The following CLASP1 variants were observed in gnomAD, a reference collection of about 807,000 sequenced individuals.
The protein encoded by CLASP1 is CLIP-associating protein 1.
Under a neutral mutation model 192.3 loss-of-function variants are expected in CLASP1, and 38 were observed. The ratio of observed to expected loss-of-function variants is 0.20; its 90% CI spans 0.15 to 0.26. The LOEUF is 0.26. CLASP1 is among the 10% of genes least tolerant of loss of function. The pLI is 1.00. For synonymous variants in CLASP1, 691 were observed against 712.8 expected (o/e 0.97, Z 0.49); for missense variants, 1,433 against 1,932.5 (o/e 0.74, Z 4.85).
intron 2 of CLASP1, among the ~76,000 whole-genome samples, chr2:121,585,646 T>A (rs2061635853): frequency 6.6e-6 from 1 of 152,190 alleles, no homozygotes. Context: ...ACTGCCTTTA[T>A]CCCAGCACTT....
At chr2:121,550,074 T>C (rs181113997) in intron 2 of CLASP1, among the ~76,000 whole-genome samples, 9 of 129,710 alleles carry the variant, frequency 6.9e-5, no homozygotes, top group Admixed American at 3.8e-4. Flanking sequence ...ACATTAAAAA[T>C]AGAAGTCAAG....
Position 121,412,323 on chromosome 2 carries a change from T to C in CLASP1, c.2321-1354A>G, listed in dbSNP as rs180670797. On this transcript the variant is annotated intron_variant, in intron 23 of 39. Coordinates refer to ENST00000263710, the Ensembl canonical transcript of CLASP1. ...CATTTGCTGGTCTTTCCAACTGTCA[T>C]CTTAACCATTATGTTTAAAAGGTAA... is the stretch of plus-strand genomic sequence containing the variant. Among the ~76,000 whole-genome samples the C allele has an allele frequency of 1.7e-3, 258 of 152,302 alleles. 2 individuals are homozygous for C. Among genetic ancestry groups the C allele is most frequent in the African/African-American group, 5.9e-3 (246 of 41,572 alleles).
At chr2:121,611,044 T>C (rs1366651901) in intron 1 of CLASP1, among the ~76,000 whole-genome samples, 6 of 71,366 alleles carry the variant, frequency 8.4e-5, no homozygotes, top group Non-Finnish European at 1.5e-4. Context: ...GGAGGACGAG[T>C]TGGAGGAGTT....
intron 9 of CLASP1, among the ~76,000 whole-genome samples, chr2:121,463,666 G>A (rs2088659093): frequency 6.6e-6 from 1 of 152,076 alleles, no homozygotes; most frequent in South Asian, 2.1e-4. Flanking sequence ...ATCTGATGAG[G>A]AGGAGCTAAT....
intron 19 of CLASP1, among the ~76,000 whole-genome samples, chr2:121,434,259 G>GT: frequency 6.6e-6 from 1 of 152,204 alleles, no homozygotes; most frequent in East Asian, 1.9e-4. Context: ...TTTCAAAAAA[G>GT]TATTATTTTT....
chr2:121,611,208 G>A (rs1454637171), intron 1 of CLASP1, among the ~76,000 whole-genome samples: 7 of 144,880 alleles, frequency 4.8e-5, no homozygotes, highest in African/African-American at 7.7e-5. Flanking sequence ...AGGAGGAGGT[G>A]GAGGAGTTAC....
At chr2:121,360,601 GA>G (rs61023548) in intron 37 of CLASP1, among the ~76,000 whole-genome samples, 9,784 of 103,340 alleles carry the variant, frequency 0.095, 340 homozygotes, top group East Asian at 0.2. Flanking sequence ...CAAGGGAAAA[GA>G]AAAAAAAAAA....
chr2:121,638,579 G>A (rs543015460), intron 1 of CLASP1, among the ~76,000 whole-genome samples: 5 of 151,708 alleles, frequency 3.3e-5, no homozygotes, highest in Non-Finnish European at 5.9e-5. Context: ...ACAAGCCAAC[G>A]TCCACCAACA....
chr2:121,620,991 G>A (rs1342749102), intron 1 of CLASP1, among the ~76,000 whole-genome samples: 1 of 152,102 alleles, frequency 6.6e-6, no homozygotes, highest in Non-Finnish European at 1.5e-5. Context: ...AGCTTTGGGA[G>A]GCCGAGACGG....
chr2:121,383,377 GTC>G (rs1457978409), intron 32 of CLASP1, among the ~76,000 whole-genome samples: 1 of 152,218 alleles, frequency 6.6e-6, no homozygotes, highest in Non-Finnish European at 1.5e-5. Flanking sequence ...AGACACACTG[GTC>G]TCTGTGTGGG....
intron 3 of CLASP1, among the ~76,000 whole-genome samples, chr2:121,529,184 G>A (rs2094674511): frequency 6.6e-6 from 1 of 152,130 alleles, no homozygotes; most frequent in Admixed American, 6.5e-5. Context: ...TAAATCTTAA[G>A]TTTCATCACT....
intron 2 of CLASP1, among the ~76,000 whole-genome samples, chr2:121,542,038 T>A (rs117116022): frequency 1.3e-5 from 2 of 152,230 alleles, no homozygotes; most frequent in East Asian, 3.9e-4. Context: ...CTGCAAGACA[T>A]CCAGGCACAC....
At position 121,432,219 on chromosome 2, in the gene CLASP1, C is replaced by T. The variant is rs865973248; in HGVS notation, c.1913-2042G>A. The stretch of plus-strand genomic sequence containing the variant: ...GCAACCTCCACCTCCTGGGATCAAG[C>T]GATTCTCTTGCCTCAGCCTCCCCAG... On this transcript the variant is annotated intron_variant, in intron 19 of 39. Transcript: ENST00000263710. Among the ~76,000 whole-genome samples, 13 of 152,214 alleles carry T rather than the reference C, an allele frequency of 8.5e-5. No homozygotes were observed. In the Middle Eastern group the frequency reaches 0.014, roughly 159 times the overall value.
intron 8 of CLASP1, chr2:121,470,284 C>T (rs758366341): frequency 2.3e-5 from 11 of 483,432 alleles, no homozygotes; most frequent in Non-Finnish European, 4.4e-5. Context: ...ACATTTCTGA[C>T]CATCCATGCT....
At chr2:121,478,914 C>CACCA (rs2092252316) in intron 8 of CLASP1, among the ~76,000 whole-genome samples, 6 of 63,342 alleles carry the variant, frequency 9.5e-5, no homozygotes, top group African/African-American at 4.1e-4. Flanking sequence ...ACCACACACA[C>CACCA]CACACACACA....
chr2:121,451,310 G>A (rs6717225), intron 15 of CLASP1, among the ~76,000 whole-genome samples: 20,557 of 152,112 alleles, frequency 0.14, 1,970 homozygotes, highest in African/African-American at 0.27. Context: ...AATCTTTTAC[G>A]AACCCAAACA....
At chr2:121,468,320 A>T (rs2090038265) in intron 9 of CLASP1, among the ~76,000 whole-genome samples, 1 of 152,150 alleles carries the variant, frequency 6.6e-6, no homozygotes, top group African/African-American at 2.4e-5. Context: ...TAATTCTGTC[A>T]ATGTTAGTTT....
intron 9 of CLASP1, among the ~76,000 whole-genome samples, chr2:121,464,805 C>T (rs1015332536): frequency 1.6e-4 from 24 of 152,222 alleles, no homozygotes; most frequent in African/African-American, 5.3e-4. Flanking sequence ...GTTGCCTGTT[C>T]ACGCTGATGG....
At position 121,463,821 on chromosome 2, in the gene CLASP1, A is replaced by T. The variant is rs1283132048; in HGVS notation, c.866-1216T>A. On this transcript the variant is annotated intron_variant, in intron 9 of 39. Coordinates refer to ENST00000263710, the Ensembl canonical transcript of CLASP1. Reference sequence around the variant, plus strand: ...GACGCGAGATGGGAAGGAAAGCACCAGTCTAGTAATTTTCTATTTTATTTT... The same window carrying T: ...GACGCGAGATGGGAAGGAAAGCACCTGTCTAGTAATTTTCTATTTTATTTT... Among the ~76,000 whole-genome samples the T allele has an allele frequency of 2.0e-5, 3 of 152,126 alleles. No homozygotes were observed. In the East Asian group the frequency reaches 5.8e-4, roughly 29 times the overall value.
Sources: allele counts gnomAD v4.1 joint callset (sites outside exome capture counted in the v4.1 genomes callset), GRCh38; gene constraint gnomAD v4.1.1; transcripts MANE v1.5; gene names NCBI Gene and HGNC (gene_info 2026-07-23, HGNC 2026-07-21).